ARPP19: variants seen among roughly 807,000 people sequenced by gnomAD.
The protein encoded by ARPP19 is cAMP-regulated phosphoprotein 19.
ARPP19 carries 8 observed loss-of-function variants against 12.0 expected under a neutral mutation model. The observed-to-expected ratio is 0.67, with a 90% confidence interval of 0.39 to 1.21. The LOEUF (loss-of-function observed/expected upper bound fraction) is 1.21, where lower values mean the gene tolerates loss of function less well. ARPP19 is among the 50% of genes most tolerant of loss of function. The pLI is 0.01. For synonymous variants in ARPP19, 47 were observed against 50.4 expected (o/e 0.93, Z 0.29); for missense variants, 102 against 136.3 (o/e 0.75, Z 1.25).
intron 1 of ARPP19, among the ~76,000 whole-genome samples, chr15:52,566,687 CA>C (rs2078085265): frequency 6.6e-6 from 1 of 152,166 alleles, no homozygotes; most frequent in Admixed American, 6.5e-5. Flanking sequence ...CCTCCTGCCT[CA>C]GCCTCCCAAA....
At chr15:52,557,064 G>A (rs1301955599) in intron 2 of ARPP19, 36 bp downstream of exon 2, 2 of 1,606,226 alleles carry the variant, frequency 1.2e-6, no homozygotes, top group Non-Finnish European at 1.7e-6. Context: ...GAGTTTGTAG[G>A]GCTTAAGTAT....
At position 52,550,563 on chromosome 15, in the gene ARPP19, G is replaced by C. The variant is rs1259788941; in HGVS notation, c.*1371C>G. 6 of 152,106 alleles carry C rather than the reference G, an allele frequency of 3.9e-5. No individual in the cohort carries two copies. Among genetic ancestry groups the C allele is most frequent in the Non-Finnish European group, 7.3e-5 (5 of 68,034 alleles). The allele number at this position is 152,106 out of a possible 1,614,324, so 9.4% of individuals were successfully genotyped here. A position where few individuals can be genotyped will look rare whatever the true frequency, so the allele number is the denominator to read the frequency against. ...GAGCCTAGGAGTAAGGTTGCAGTGA[G>C]CTGTGATTGCACTACTGCACTAGAG... On this transcript the variant is annotated 3_prime_UTR_variant, in exon 3 of 3. Transcript: ENST00000249822.
intron 2 of ARPP19, among the ~76,000 whole-genome samples, chr15:52,555,075 T>C (rs989556899): frequency 6.6e-6 from 1 of 152,032 alleles, no homozygotes; most frequent in Admixed American, 6.6e-5. Flanking sequence ...AAACTTCATA[T>C]AAAATAACTT....
Position 52,548,684 on chromosome 15 carries a change from ACTAT to A in ARPP19, c.*3246_*3249del, listed in dbSNP as rs1423602105. On this transcript the variant is annotated 3_prime_UTR_variant, in exon 3 of 3. Coordinates refer to ENST00000249822, the MANE Select transcript of ARPP19 (RefSeq NM_006628.6). ...AAACATAGTTGATAAAGGGTTCAGT[ACTAT>A]CTGAGGTTTCAGGCATCCACTAGGG... 6.6e-6 allele frequency: 1 copy of A among 152,486 alleles called. No individual in the cohort carries two copies. 9.4% of individuals were successfully genotyped at this position (152,486 alleles called of 1,614,324 possible). A position where few individuals can be genotyped will look rare whatever the true frequency, so the allele number is the denominator to read the frequency against.
upstream of ARPP19, chr15:52,569,104 AC>A (rs932518118): frequency 1.3e-4 from 70 of 547,852 alleles, no homozygotes; most frequent in Non-Finnish European, 2.1e-4. Flanking sequence ...CCCGCACCGC[AC>A]CCCTACCTAC....
intron 1 of ARPP19, chr15:52,568,200 T>A (rs1325923742): frequency 1.3e-5 from 2 of 152,272 alleles, no homozygotes; most frequent in African/African-American, 4.8e-5. Flanking sequence ...AATTCCACCC[T>A]TTCGATTTTT....
At chr15:52,560,546 CAG>C (rs2078022878) in intron 1 of ARPP19, among the ~76,000 whole-genome samples, 1 of 152,198 alleles carries the variant, frequency 6.6e-6, no homozygotes, top group Non-Finnish European at 1.5e-5. Context: ...TTGGATTTAA[CAG>C]GGGGGAAAAG....
intron 2 of ARPP19, among the ~76,000 whole-genome samples, chr15:52,553,019 G>T (rs977109144): frequency 6.6e-6 from 1 of 152,172 alleles, no homozygotes; most frequent in Non-Finnish European, 1.5e-5. Flanking sequence ...GGAGGTTGCA[G>T]AGAGCTGAGA....
At chr15:52,556,721 A>C (rs2077985205) in intron 2 of ARPP19, among the ~76,000 whole-genome samples, 1 of 152,130 alleles carries the variant, frequency 6.6e-6, no homozygotes, top group Admixed American at 6.5e-5. Flanking sequence ...TGGAGAGATA[A>C]GGGAAAGGGC....
At chr15:52,557,712 A>C (rs975390224) in intron 1 of ARPP19, 1 of 151,878 alleles carries the variant, frequency 6.6e-6, no homozygotes, top group Non-Finnish European at 1.5e-5. Context: ...GATGATCCTG[A>C]TATTTGTTTT....
intron 1 of ARPP19, chr15:52,568,546 T>G (rs1218827311): frequency 2.8e-6 from 1 of 361,796 alleles, no homozygotes; most frequent in East Asian, 4.6e-5. Flanking sequence ...ACAGAAAAAC[T>G]TAGGCTCTAC....
chr15:52,553,396 A>C (rs1344043766), intron 2 of ARPP19, among the ~76,000 whole-genome samples: 1 of 152,162 alleles, frequency 6.6e-6, no homozygotes, highest in Non-Finnish European at 1.5e-5. Context: ...TGAGAGCTAA[A>C]CATCAACCTT....
chr15:52,566,016 G>A (rs997319833), intron 1 of ARPP19, among the ~76,000 whole-genome samples: 2 of 151,978 alleles, frequency 1.3e-5, no homozygotes, highest in African/African-American at 2.4e-5. Flanking sequence ...CACCACACCC[G>A]GATAATTTTT....
chr15:52,562,867 T>G (rs1324541771), intron 1 of ARPP19, among the ~76,000 whole-genome samples: 1 of 2,234 alleles, frequency 4.5e-4, no homozygotes, highest in Non-Finnish European at 1.7e-3. Context: ...CTTAAGAAGT[T>G]TTTTTTTTTT....
At chr15:52,553,114 T>C (rs942115279) in intron 2 of ARPP19, among the ~76,000 whole-genome samples, 2 of 152,132 alleles carry the variant, frequency 1.3e-5, no homozygotes, top group African/African-American at 2.4e-5. Flanking sequence ...ATTATAGTTA[T>C]TAAAACTATT....
At chr15:52,566,411 G>C (rs1003834982) in intron 1 of ARPP19, among the ~76,000 whole-genome samples, 1 of 151,922 alleles carries the variant, frequency 6.6e-6, no homozygotes, top group Admixed American at 6.6e-5. Context: ...CACTCGCCAT[G>C]ACCTCCCAAA....
intron 1 of ARPP19, among the ~76,000 whole-genome samples, chr15:52,562,468 C>G (rs1044624302): frequency 3.3e-5 from 5 of 151,916 alleles, no homozygotes; most frequent in African/African-American, 1.2e-4. Flanking sequence ...AGTTCTAGAC[C>G]TACCCGGGCA....
chr15:52,561,561 TGTTTA>T (rs1295816901), intron 1 of ARPP19, among the ~76,000 whole-genome samples: 3 of 152,180 alleles, frequency 2.0e-5, no homozygotes, highest in Non-Finnish European at 2.9e-5. Flanking sequence ...TTTTACATCT[TGTTTA>T]GTTAAGAATG....
chr15:52,556,932 C>A, intron 2 of ARPP19, 168 bp downstream of exon 2: 1 of 589,318 alleles, frequency 1.7e-6, no homozygotes. Flanking sequence ...TCTCACAATG[C>A]TTATTTATAA....
Sources: allele counts gnomAD v4.1 joint callset (sites outside exome capture counted in the v4.1 genomes callset), GRCh38; gene constraint gnomAD v4.1.1; transcripts MANE v1.5; gene names NCBI Gene and HGNC (gene_info 2026-07-23, HGNC 2026-07-21).